KYAT3: variants seen among roughly 807,000 people sequenced by gnomAD.
KYAT3 encodes kynurenine aminotransferase 3, also known as kynurenine--oxoglutarate transaminase 3.
KYAT3 carries 50 observed loss-of-function variants against 59.0 expected under a neutral mutation model. The observed-to-expected ratio is 0.85, with a 90% confidence interval of 0.68 to 1.07. The LOEUF is 1.07. Among genes scored for constraint, KYAT3 ranks in the 50% least tolerant of loss-of-function variants. The pLI is 0.00. For synonymous variants in KYAT3, 148 were observed against 177.0 expected, an observed-to-expected ratio of 0.84 and a Z score of 1.30; for missense variants, 497 against 533.3, an observed-to-expected ratio of 0.93 and a Z score of 0.67.
chr1:88,980,506 C>T (rs1677031580), intron 2 of KYAT3: 1 of 152,140 alleles, frequency 6.6e-6, no homozygotes, highest in African/African-American at 2.4e-5. Flanking sequence ...TCTATAATAC[C>T]CAAGTTCTAT....
At chr1:88,926,658 C>A in the KYAT3 span, among the ~76,000 whole-genome samples, 3 of 152,172 alleles carry the variant, frequency 2.0e-5, no homozygotes, top group Non-Finnish European at 4.4e-5. Flanking sequence ...AGGGAAAAAC[C>A]ACAACGGGTA....
At chr1:88,929,510 C>CA in the KYAT3 span, among the ~76,000 whole-genome samples, 1 of 152,182 alleles carries the variant, frequency 6.6e-6, no homozygotes, top group Admixed American at 6.5e-5. Context: ...CCCAAGGGTT[C>CA]AGGGATAGCC....
the KYAT3 span, among the ~76,000 whole-genome samples, chr1:88,924,938 G>C: frequency 6.6e-6 from 1 of 152,176 alleles, no homozygotes; most frequent in East Asian, 1.9e-4. Context: ...GTGAGGCCAA[G>C]AACCCCAGAT....
At chr1:88,926,806 C>T in the KYAT3 span, among the ~76,000 whole-genome samples, 1 of 152,172 alleles carries the variant, frequency 6.6e-6, no homozygotes, top group Non-Finnish European at 1.5e-5. Flanking sequence ...CTATCTCAAT[C>T]CTGACTCAAA....
chr1:88,925,679 T>TG, the KYAT3 span, among the ~76,000 whole-genome samples: 14 of 121,112 alleles, frequency 1.2e-4, 2 homozygotes, highest in African/African-American at 4.9e-4. Context: ...GAAAGAGAGA[T>TG]GGAAGAGAGA....
rs1005660056 is a variant in KYAT3, at chr1:88,936,027, T to C, written c.*156A>G. On this transcript the variant is annotated 3_prime_UTR_variant, in exon 14 of 14. Coordinates refer to ENST00000260508, the MANE Select transcript of KYAT3 (RefSeq NM_001008661.3). Reference sequence around the variant, plus strand: ...AAAAAAAGGTCAGATCCCCCGAAAATGTTGTTAGGAGTTGGGTTAACTGCT... The same window carrying C: ...AAAAAAAGGTCAGATCCCCCGAAAACGTTGTTAGGAGTTGGGTTAACTGCT... 15 of 523,306 alleles carry C rather than the reference T, an allele frequency of 2.9e-5. No homozygotes were observed. Among genetic ancestry groups the C allele is most frequent in the African/African-American group, 2.6e-4 (14 of 53,402 alleles). 32.4% of individuals were successfully genotyped at this position (523,306 alleles called of 1,614,324 possible).
chr1:88,939,596 T>C (rs536168769), intron 13 of KYAT3, among the ~76,000 whole-genome samples: 1 of 152,338 alleles, frequency 6.6e-6, no homozygotes, highest in African/African-American at 2.4e-5. Flanking sequence ...AGGTTCCATT[T>C]GTTCTGCTCT....
chr1:88,945,537 A>T (rs1263314650), intron 11 of KYAT3, among the ~76,000 whole-genome samples: 1 of 152,236 alleles, frequency 6.6e-6, no homozygotes, highest in Non-Finnish European at 1.5e-5. Context: ...TTCTCTATCA[A>T]TAGTGATATA....
intron 5 of KYAT3, chr1:88,964,556 C>T: frequency 2.8e-6 from 1 of 352,066 alleles, no homozygotes; most frequent in South Asian, 2.6e-5. Flanking sequence ...GAGTACTTAC[C>T]TCTGGGAGAA....
At chr1:88,980,647 C>T (rs1677037231) in intron 2 of KYAT3, 1 of 152,518 alleles carries the variant, frequency 6.6e-6, no homozygotes, top group African/African-American at 2.4e-5. Context: ...ATTTATCAAA[C>T]AGGTGTCTGG....
chr1:88,956,372 G>A (rs1253409171), intron 8 of KYAT3, among the ~76,000 whole-genome samples: 5 of 152,170 alleles, frequency 3.3e-5, no homozygotes, highest in African/African-American at 7.2e-5. Context: ...AGAATAATGT[G>A]AATTGGCTGT....
chr1:88,927,758 A>G, the KYAT3 span, among the ~76,000 whole-genome samples: 1 of 152,352 alleles, frequency 6.6e-6, no homozygotes, highest in East Asian at 1.9e-4. Context: ...AGACCTAGGT[A>G]AATTCTCAGA....
At chr1:88,953,863 G>A (rs1336617736) in intron 9 of KYAT3, among the ~76,000 whole-genome samples, 2 of 151,618 alleles carry the variant, frequency 1.3e-5, no homozygotes, top group Non-Finnish European at 2.9e-5. Context: ...GATTCTCCAG[G>A]CCTAATTTTT....
chr1:88,927,543 G>A, the KYAT3 span, among the ~76,000 whole-genome samples: 1 of 151,906 alleles, frequency 6.6e-6, no homozygotes, highest in Admixed American at 6.6e-5. Flanking sequence ...CCCTACCCCA[G>A]TGTCCCCCTG....
At chr1:88,927,235 G>A in the KYAT3 span, among the ~76,000 whole-genome samples, 2 of 152,052 alleles carry the variant, frequency 1.3e-5, no homozygotes, top group South Asian at 4.2e-4. Flanking sequence ...AGGCAAAAAC[G>A]CCCCTAAGAT....
intron 13 of KYAT3, among the ~76,000 whole-genome samples, chr1:88,939,626 C>T (rs4336825): frequency 0.038 from 5,814 of 152,154 alleles, 321 homozygotes; most frequent in African/African-American, 0.12. Context: ...CTGGCAACTC[C>T]ACATATTTTA....
Position 88,988,314 on chromosome 1 carries a change from C to T in KYAT3, c.37G>A (p.Gly13Ser), listed in dbSNP as rs758387780. The part of the protein sequence containing the change: ...LAQRSLCSLS[G>S]RAKFLKTISS... ...ATTGTCTTCAGGAATTTTGCTCTAC[C>T]GCTAAGAGAGCAGAGGCTCCTCTGG... is the stretch of plus-strand genomic sequence containing the variant. Residue 13 changes from glycine (G) to serine (S), a missense_variant, in exon 2 of 14, where the codon GGT becomes AGT. By Grantham distance (56) the Gly-to-Ser change is moderately conservative (BLOSUM62 0). Transcript: ENST00000260508. 3.9e-5 allele frequency: 63 copies of T among 1,613,494 alleles called. No homozygotes were observed. Among genetic ancestry groups the T allele is most frequent in the South Asian group, 1.2e-4 (11 of 90,982 alleles).
intron 2 of KYAT3, among the ~76,000 whole-genome samples, chr1:88,969,768 A>C (rs1676481764): frequency 1.3e-5 from 2 of 151,908 alleles, no homozygotes; most frequent in Non-Finnish European, 2.9e-5. Context: ...CAGTCTCCTG[A>C]GCAGGTGGGA....
At chr1:88,929,483 C>T in the KYAT3 span, among the ~76,000 whole-genome samples, 1 of 152,184 alleles carries the variant, frequency 6.6e-6, no homozygotes. Context: ...CGTCTCAACT[C>T]ACCTGGACTG....
Sources: gnomAD v4.1 joint callset for allele counts (sites outside exome capture counted in the v4.1 genomes callset) on GRCh38, gnomAD v4.1.1 for gene constraint, MANE v1.5 for transcripts, NCBI Gene and HGNC (gene_info 2026-07-23, HGNC 2026-07-21) for gene names.